CFAP96: variants seen among roughly 807,000 people sequenced by gnomAD.
CFAP96 encodes the protein cilia and flagella associated protein 96.
chr4:185,448,011 A>T, the CFAP96 span, among the ~76,000 whole-genome samples: 1 of 152,110 alleles, frequency 6.6e-6, no homozygotes, highest in Non-Finnish European at 1.5e-5. Context: ...GGTTTTGGAA[A>T]TACGTTTTGT....
At chr4:185,435,338 T>C in the CFAP96 span, among the ~76,000 whole-genome samples, 1 of 152,226 alleles carries the variant, frequency 6.6e-6, no homozygotes, top group Non-Finnish European at 1.5e-5. Context: ...CAAGTTTTGA[T>C]AGTAATAAGG....
the CFAP96 span, chr4:185,426,152 G>A: frequency 1.1e-4 from 54 of 514,032 alleles, no homozygotes; most frequent in Non-Finnish European, 1.7e-4. Context: ...CTTCGATGCG[G>A]ATTCGAATCT....
chr4:185,431,991 ATG>A, the CFAP96 span: 2 of 1,551,182 alleles, frequency 1.3e-6, no homozygotes, highest in Admixed American at 3.9e-5. Flanking sequence ...GGACCCTTTA[ATG>A]AGGCTGCAAG....
the CFAP96 span, chr4:185,436,038 T>C: frequency 1.3e-6 from 2 of 1,510,734 alleles, no homozygotes; most frequent in Middle Eastern, 1.7e-4. Context: ...CAAAAAATTG[T>C]ATTTAAGATG....
the CFAP96 span, among the ~76,000 whole-genome samples, chr4:185,423,102 G>C: frequency 6.6e-6 from 1 of 152,146 alleles, no homozygotes; most frequent in African/African-American, 2.4e-5. Context: ...CAAGTGATCC[G>C]CCTGTCTCGG....
chr4:185,429,609 T>C, the CFAP96 span: 2 of 711,972 alleles, frequency 2.8e-6, no homozygotes, highest in East Asian at 3.1e-5. Flanking sequence ...TAATGGTTTA[T>C]ATTTTAAAGC....
the CFAP96 span, chr4:185,418,588 G>C: frequency 6.2e-7 from 1 of 1,612,732 alleles, no homozygotes; most frequent in Non-Finnish European, 8.5e-7. Context: ...CATACTCACT[G>C]AATAAAGCGC....
At chr4:185,411,620 T>G in the CFAP96 span, among the ~76,000 whole-genome samples, 1 of 152,166 alleles carries the variant, frequency 6.6e-6, no homozygotes, top group African/African-American at 2.4e-5. Flanking sequence ...CCAAAGTATT[T>G]AAGGGTAAAT....
the CFAP96 span, among the ~76,000 whole-genome samples, chr4:185,426,773 T>G: frequency 6.6e-6 from 1 of 151,046 alleles, no homozygotes; most frequent in Admixed American, 6.6e-5. Flanking sequence ...GGCTGACGCC[T>G]GTAATCCCAG....
the CFAP96 span, among the ~76,000 whole-genome samples, chr4:185,431,038 C>T: frequency 1.3e-5 from 2 of 151,862 alleles, no homozygotes; most frequent in African/African-American, 4.8e-5. Context: ...GGTGAAACCC[C>T]GTCTCTACTA....
At chr4:185,419,012 T>C in the CFAP96 span, among the ~76,000 whole-genome samples, 1 of 152,202 alleles carries the variant, frequency 6.6e-6, no homozygotes, top group Non-Finnish European at 1.5e-5. Context: ...TAAGGTTTCA[T>C]AATGATCACT....
chr4:185,445,656 A>C, the CFAP96 span: 1 of 624,002 alleles, frequency 1.6e-6, no homozygotes, highest in East Asian at 2.9e-5. Context: ...CAGGTTTTGC[A>C]TACTCTCAAA....
the CFAP96 span, among the ~76,000 whole-genome samples, chr4:185,437,531 C>T: frequency 3.4e-4 from 51 of 152,094 alleles, 1 homozygote; most frequent in African/African-American, 1.2e-3. Context: ...TTTTAAATAC[C>T]AGTGGAATGT....
At chr4:185,436,691 C>G in the CFAP96 span, among the ~76,000 whole-genome samples, 1 of 140,218 alleles carries the variant, frequency 7.1e-6, no homozygotes, top group Non-Finnish European at 1.6e-5. Context: ...GCCTCGGTGA[C>G]AGAACGAGAC....
chr4:185,449,214 A>C, the CFAP96 span, among the ~76,000 whole-genome samples: 1 of 152,192 alleles, frequency 6.6e-6, no homozygotes, highest in Non-Finnish European at 1.5e-5. Flanking sequence ...TTTTAATGAA[A>C]ATAGTTTTTA....
At chr4:185,438,473 C>A in the CFAP96 span, among the ~76,000 whole-genome samples, 394 of 152,194 alleles carry the variant, frequency 2.6e-3, 1 homozygote, top group Non-Finnish European at 4.1e-3. Flanking sequence ...ATTTTTTGAG[C>A]ATTCAGGATA....
At chr4:185,411,675 A>T in the CFAP96 span, among the ~76,000 whole-genome samples, 1 of 152,214 alleles carries the variant, frequency 6.6e-6, no homozygotes, top group East Asian at 1.9e-4. Flanking sequence ...GGGGGAAAAA[A>T]GAGGGAGAAA....
the CFAP96 span, among the ~76,000 whole-genome samples, chr4:185,446,965 C>T: frequency 6.6e-6 from 1 of 152,000 alleles, no homozygotes; most frequent in Non-Finnish European, 1.5e-5. Flanking sequence ...AATACATGTA[C>T]TTTCTTTTAA....
the CFAP96 span, among the ~76,000 whole-genome samples, chr4:185,443,014 T>C: frequency 6.6e-6 from 1 of 152,118 alleles, no homozygotes. Flanking sequence ...TCTATTTTGG[T>C]ACAAGTGGAT....
Sources: allele counts gnomAD v4.1 joint callset (sites outside exome capture counted in the v4.1 genomes callset), GRCh38; gene constraint gnomAD v4.1.1; transcripts MANE v1.5; gene names NCBI Gene and HGNC (gene_info 2026-07-23, HGNC 2026-07-21).